Variants in OXR1 observed in about 807,000 individuals in gnomAD.
The protein encoded by OXR1 is oxidation resistance protein 1.
OXR1 carries 41 observed loss-of-function variants against 104.6 expected under a neutral mutation model. That is an observed-to-expected ratio of 0.39 (90% CI 0.31 to 0.51). The LOEUF (loss-of-function observed/expected upper bound fraction) is 0.51, where lower values mean the gene tolerates loss of function less well. Among genes scored for constraint, OXR1 ranks in the 20% least tolerant of loss-of-function variants. The probability of loss-of-function intolerance (pLI) is 0.77; values close to 1 mark genes in which losing one functional copy is unlikely to be tolerated. For missense variants in OXR1, 955 were observed against 1,031.9 expected (o/e 0.93, Z 1.02); for synonymous variants, 348 against 348.4 (o/e 1.00, Z 0.01).
intron 2 of OXR1, among the ~76,000 whole-genome samples, chr8:106,411,888 A>T (rs1219871440): frequency 6.6e-6 from 1 of 152,164 alleles, no homozygotes; most frequent in Non-Finnish European, 1.5e-5. Flanking sequence ...TCTTACTAGC[A>T]GTGTGGGAAT....
intron 2 of OXR1, among the ~76,000 whole-genome samples, chr8:106,516,239 C>A (rs1386041188): frequency 6.6e-6 from 1 of 152,172 alleles, no homozygotes; most frequent in African/African-American, 2.4e-5. Flanking sequence ...TCTATGAGCC[C>A]TACTTGGCTG....
At chr8:106,739,364 T>TAC in intron 12 of OXR1, 94 bp from the exon 13 acceptor site, 1 of 1,123,198 alleles carries the variant, frequency 8.9e-7, no homozygotes. Flanking sequence ...CCACATTTTC[T>TAC]ACGATATAAA....
chr8:106,528,354 A>C (rs984253035), intron 3 of OXR1, among the ~76,000 whole-genome samples: 1 of 152,230 alleles, frequency 6.6e-6, no homozygotes, highest in African/African-American at 2.4e-5. Context: ...GCAAATTCTA[A>C]AATCCAATGC....
intron 3 of OXR1, among the ~76,000 whole-genome samples, chr8:106,555,623 G>A (rs1315525887): frequency 3.9e-5 from 6 of 151,916 alleles, no homozygotes; most frequent in Non-Finnish European, 5.9e-5. Flanking sequence ...TTTTCTAAGC[G>A]CTTTCTGTGC....
intron 1 of OXR1, among the ~76,000 whole-genome samples, chr8:106,310,330 G>A (rs6987912): frequency 0.22 from 33,049 of 151,388 alleles, 5,294 homozygotes; most frequent in African/African-American, 0.45. Context: ...CATGGCTTTG[G>A]TTTTAGTTTT....
chr8:106,693,518 C>G (rs1829527671), intron 7 of OXR1, among the ~76,000 whole-genome samples: 1 of 150,720 alleles, frequency 6.6e-6, no homozygotes, highest in Non-Finnish European at 1.5e-5. Context: ...CAACCTCTGC[C>G]TCCTGGGTTC....
Position 106,442,148 on chromosome 8 carries a change from T to C in OXR1, c.24-76795T>C, listed in dbSNP as rs148337789. 6.8e-3 allele frequency among the ~76,000 whole-genome samples: 1,033 copies of C among 152,242 alleles called. 8 individuals are homozygous for C. Among genetic ancestry groups the C allele is most frequent in the Non-Finnish European group, 0.01 (709 of 67,990 alleles). Reference sequence around the variant, plus strand: ...AGTGGTGTTGAATTTTATCGAAGCCTTTTTCTGCATCTATTGAGATAATCA... The same window carrying C: ...AGTGGTGTTGAATTTTATCGAAGCCCTTTTCTGCATCTATTGAGATAATCA... On this transcript the variant is annotated intron_variant, in intron 2 of 16. Transcript: ENST00000517566.
At chr8:106,722,920 A>G (rs141769050) in intron 11 of OXR1, among the ~76,000 whole-genome samples, 65 of 152,346 alleles carry the variant, frequency 4.3e-4, no homozygotes, top group African/African-American at 1.5e-3. Context: ...TATGCCTAAT[A>G]TGGTCTGTTT....
At chr8:106,697,815 A>G in intron 7 of OXR1, 1 of 1,612,416 alleles carries the variant, frequency 6.2e-7, no homozygotes, top group Non-Finnish European at 8.5e-7. Flanking sequence ...ACAGTGCATT[A>G]TTGAGCTCAC....
At chr8:106,664,774 G>T (rs1826108798) in intron 3 of OXR1, among the ~76,000 whole-genome samples, 1 of 152,116 alleles carries the variant, frequency 6.6e-6, no homozygotes, top group African/African-American at 2.4e-5. Flanking sequence ...TTCTCAGGAG[G>T]TTTACTTGTT....
At chr8:106,396,358 C>T (rs12678851) in intron 2 of OXR1, among the ~76,000 whole-genome samples, 96,551 of 151,742 alleles carry the variant, frequency 0.64, 30,925 homozygotes, top group Middle Eastern at 0.68. Context: ...TACGGGACAT[C>T]CATCTCATGT....
chr8:106,436,380 G>A (rs1239201267), intron 2 of OXR1, among the ~76,000 whole-genome samples: 1 of 152,020 alleles, frequency 6.6e-6, no homozygotes, highest in East Asian at 1.9e-4. Context: ...TGGCTCAACA[G>A]CCCAAAGTTG....
chr8:106,594,915 AT>A (rs1462374848), intron 3 of OXR1, among the ~76,000 whole-genome samples: 3 of 150,592 alleles, frequency 2.0e-5, no homozygotes, highest in African/African-American at 7.2e-5. Flanking sequence ...TATCAGAGTG[AT>A]GAAAGAGGCA....
intron 2 of OXR1, among the ~76,000 whole-genome samples, chr8:106,461,887 A>G (rs1820935629): frequency 6.6e-6 from 1 of 152,320 alleles, no homozygotes; most frequent in South Asian, 2.1e-4. Context: ...TATAAGAAAC[A>G]TTCAAATTAA....
intron 11 of OXR1, among the ~76,000 whole-genome samples, chr8:106,736,044 T>TCA (rs1202713141): frequency 1.3e-5 from 2 of 152,188 alleles, no homozygotes; most frequent in Admixed American, 1.3e-4. Flanking sequence ...GGCACTATAC[T>TCA]CAGTCCTTAA....
intron 3 of OXR1, among the ~76,000 whole-genome samples, chr8:106,545,052 A>G (rs1192375101): frequency 1.3e-5 from 2 of 152,274 alleles, no homozygotes; most frequent in African/African-American, 4.8e-5. Flanking sequence ...GGTCCCGTGC[A>G]CTACAGGCTG....
chr8:106,339,694 A>C (rs1221216463), intron 1 of OXR1, among the ~76,000 whole-genome samples: 1 of 150,818 alleles, frequency 6.6e-6, no homozygotes, highest in Non-Finnish European at 1.5e-5. Context: ...TTTTTGTGTC[A>C]GGGCCTTTAT....
intron 1 of OXR1, among the ~76,000 whole-genome samples, chr8:106,325,788 A>G (rs766580679): frequency 6.6e-6 from 1 of 152,200 alleles, no homozygotes; most frequent in African/African-American, 2.4e-5. Context: ...TTTTATGCAA[A>G]TATGCATAGA....
In OXR1 at chr8:106,447,959, A is replaced by G. The variant is rs139180584; in HGVS notation, c.24-70984A>G. The G allele has an allele frequency of 5.6e-3, 8,521 of 1,535,242 alleles. 34 individuals carry two copies. Among genetic ancestry groups the G allele is most frequent in the Non-Finnish European group, 6.5e-3 (7,436 of 1,146,448 alleles). On this transcript the variant is annotated intron_variant, in intron 2 of 16. Coordinates refer to ENST00000517566, the MANE Select transcript of OXR1 (RefSeq NM_001198533.2). ...CTAGTACGGGGCTCACAGGTAACAG[A>G]ACTCTGATCAGATCCGCCCCGGCTC... is the stretch of plus-strand genomic sequence containing the variant.
Sources: allele counts gnomAD v4.1 joint callset (sites outside exome capture counted in the v4.1 genomes callset), GRCh38; gene constraint gnomAD v4.1.1; transcripts MANE v1.5; gene names NCBI Gene and HGNC (gene_info 2026-07-23, HGNC 2026-07-21).